Variants in DNAH6 observed in about 807,000 individuals in gnomAD.
DNAH6 encodes the protein axonemal beta dynein heavy chain 6.
DNAH6 carries 340 observed loss-of-function variants against 491.4 expected under a neutral mutation model. The ratio of observed to expected loss-of-function variants is 0.69; its 90% CI spans 0.63 to 0.76. The LOEUF is 0.76. Among genes scored for constraint, DNAH6 ranks in the 30% least tolerant of loss-of-function variants. DNAH6 has a pLI of 0.00. For missense variants in DNAH6, 4,443 were observed against 4,972.2 expected (o/e 0.89, Z 3.20); for synonymous variants, 1,603 against 1,686.1 (o/e 0.95, Z 1.21).
At chr2:84,674,059 C>G (rs1439893786) in intron 40 of DNAH6, among the ~76,000 whole-genome samples, 2 of 152,148 alleles carry the variant, frequency 1.3e-5, no homozygotes, top group African/African-American at 4.8e-5. Flanking sequence ...AAACCAACAC[C>G]CTTGACAAGA....
the DNAH6 span, among the ~76,000 whole-genome samples, chr2:84,507,681 C>T: frequency 1.3e-5 from 2 of 152,122 alleles, no homozygotes; most frequent in Non-Finnish European, 2.9e-5. Flanking sequence ...TTTGCCCATT[C>T]AGTATGATAT....
intron 26 of DNAH6, among the ~76,000 whole-genome samples, chr2:84,622,158 A>G (rs764418075): frequency 2.1e-4 from 32 of 152,134 alleles, no homozygotes; most frequent in Admixed American, 4.6e-4. Flanking sequence ...GAATTTAACT[A>G]TTTTAGATAC....
At chr2:84,690,633 C>G (rs2104776066) in intron 45 of DNAH6, among the ~76,000 whole-genome samples, 1 of 152,312 alleles carries the variant, frequency 6.6e-6, no homozygotes, top group African/African-American at 2.4e-5. Context: ...AAATTAAAAA[C>G]CATTTGTAGC....
chr2:84,630,533 A>G (rs551021496), intron 29 of DNAH6, among the ~76,000 whole-genome samples: 47 of 152,184 alleles, frequency 3.1e-4, no homozygotes, highest in Non-Finnish European at 5.1e-4. Context: ...GGGGAATTCT[A>G]TAGGGAAAAT....
At chr2:84,701,051 A>G (rs1695853316) in intron 48 of DNAH6, 46 bp from the exon 49 acceptor site, 3 of 1,539,134 alleles carry the variant, frequency 1.9e-6, no homozygotes, top group African/African-American at 1.4e-5. Context: ...ACTGTATGTT[A>G]TTGAAATGAC....
intron 33 of DNAH6, among the ~76,000 whole-genome samples, chr2:84,652,550 CT>C (rs1420303736): frequency 2.0e-5 from 3 of 151,914 alleles, no homozygotes; most frequent in Non-Finnish European, 4.4e-5. Context: ...TGATTTTTGT[CT>C]GTTTTTCTTT....
At chr2:84,516,316 C>T (rs1359159665), upstream of DNAH6, 1 of 152,302 alleles carries the variant, frequency 6.6e-6, no homozygotes, top group East Asian at 1.9e-4. Flanking sequence ...AGGAACCAGG[C>T]TGTGCGGCTT....
At chr2:84,679,218 G>C (rs138113667) in intron 41 of DNAH6, among the ~76,000 whole-genome samples, 1 of 152,022 alleles carries the variant, frequency 6.6e-6, no homozygotes, top group African/African-American at 2.4e-5. Flanking sequence ...GTGTTAACAC[G>C]ATTAGTCCTA....
intron 59 of DNAH6, among the ~76,000 whole-genome samples, 199 bp from the exon 60 acceptor site, chr2:84,722,426 C>T (rs558282341): frequency 6.6e-6 from 1 of 152,192 alleles, no homozygotes; most frequent in Non-Finnish European, 1.5e-5. Context: ...CTATTCCTAA[C>T]TCTGGAAGGA....
In DNAH6 at chr2:84,796,327, G is replaced by T; in HGVS notation, c.11261G>T (p.Arg3754Ile). Reference protein sequence around the residue: ...YITGEITYGGRVTDSWDQRCL... With the variant: ...YITGEITYGGIVTDSWDQRCL... ...TCAGGTGAAATTACTTATGGTGGTA[G>T]AGTCACAGACAGCTGGGACCAAAGA... Residue 3754 changes from arginine (R) to isoleucine (I), a missense_variant, in exon 69 of 77, where the codon AGA (arginine) becomes ATA (isoleucine). By Grantham distance (97) the Arg-to-Ile change is moderately conservative. Coordinates refer to ENST00000389394, the MANE Select transcript of DNAH6 (RefSeq NM_001370.2). 6.6e-7 allele frequency: 1 copy of T among 1,511,956 alleles called. No homozygotes were observed. The highest frequency in any genetic ancestry group is 1.3e-5 in the South Asian group (1 of 75,018). The allele number at this position is 1,511,956 out of a possible 1,614,324, so 93.7% of individuals were successfully genotyped here.
intron 58 of DNAH6, among the ~76,000 whole-genome samples, chr2:84,716,151 A>G (rs1042963696): frequency 6.7e-6 from 1 of 149,942 alleles, no homozygotes; most frequent in Admixed American, 6.7e-5. Flanking sequence ...ATATATATAC[A>G]TATATATGGG....
At chr2:84,515,407 C>T (rs2104387762), upstream of DNAH6, among the ~76,000 whole-genome samples, 1 of 152,270 alleles carries the variant, frequency 6.6e-6, no homozygotes, top group Non-Finnish European at 1.5e-5. Context: ...CTTCAGTTCC[C>T]TTACAAATCA....
chr2:84,751,563 G>T (rs1673477073), intron 63 of DNAH6, among the ~76,000 whole-genome samples: 2 of 152,190 alleles, frequency 1.3e-5, no homozygotes, highest in South Asian at 4.1e-4. Flanking sequence ...GAAATAGAAT[G>T]CTTGTCATCC....
intron 11 of DNAH6, among the ~76,000 whole-genome samples, chr2:84,560,012 A>G (rs1406939130): frequency 1.3e-5 from 2 of 152,182 alleles, no homozygotes; most frequent in African/African-American, 2.4e-5. Context: ...AAATCAGTAA[A>G]ATGGTTCAGA....
intron 63 of DNAH6, among the ~76,000 whole-genome samples, chr2:84,762,397 G>C (rs1281103543): frequency 6.6e-6 from 1 of 152,186 alleles, no homozygotes; most frequent in South Asian, 2.1e-4. Context: ...AGGAAACAGA[G>C]ATCAATAATG....
At chr2:84,693,995 A>G (rs1168643959) in intron 45 of DNAH6, among the ~76,000 whole-genome samples, 1 of 152,222 alleles carries the variant, frequency 6.6e-6, no homozygotes, top group African/African-American at 2.4e-5. Context: ...AAGAGATTTT[A>G]CTTTATTCTA....
chr2:84,819,018 A>G (rs1042956243), intron 76 of DNAH6, among the ~76,000 whole-genome samples: 9 of 152,282 alleles, frequency 5.9e-5, no homozygotes, highest in Non-Finnish European at 1.2e-4. Context: ...AGGTTGCAGC[A>G]AGCTGAGATC....
Position 84,781,423 on chromosome 2 carries a change from T to C in DNAH6, c.10704-70T>C. On this transcript the variant is annotated intron_variant, in intron 64 of 76. Coordinates refer to ENST00000389394, the MANE Select transcript of DNAH6 (RefSeq NM_001370.2). ...ATCCTAAGCAAGAGTCTACTGTATT[T>C]ATATTTCTTCATATTGATTTTGCTT... is the stretch of plus-strand genomic sequence containing the variant. The C allele has an allele frequency of 2.3e-6, 3 of 1,321,472 alleles. No individual in the cohort carries two copies. The East Asian group carries it at 7.6e-5, about 33-fold the overall frequency. The allele number at this position is 1,321,472 out of a possible 1,614,324, so 81.9% of individuals were successfully genotyped here.
At position 84,784,746 on chromosome 2, in the gene DNAH6, G is replaced by A. The variant is rs1473299954; in HGVS notation, c.10889G>A (p.Arg3630Gln). Residue 3630 changes from arginine (R) to glutamine (Q), a missense_variant, in exon 66 of 77, where the codon CGA (arginine) becomes CAA (glutamine). This residue lies in a region of DNAH6 where 1,463 missense variants were observed against 1,656.6 expected (regional missense o/e 0.88). Transcript: ENST00000389394. ...GATAGTGCTATCAAGGACACTTTTC[G>A]ACTTTTTTTAAGCTCCATGCCTAGT... ...DPDSAIKDTF[R>Q]LFLSSMPSNT... 16 of 1,550,166 alleles carry A rather than the reference G, an allele frequency of 1.0e-5. No individual in the cohort carries two copies. The highest frequency in any genetic ancestry group is 2.0e-5 in the Admixed American group (1 of 50,932).
Sources: allele counts gnomAD v4.1 joint callset (sites outside exome capture counted in the v4.1 genomes callset), GRCh38; gene constraint gnomAD v4.1.1; regional missense constraint gnomAD v4.1.1; transcripts MANE v1.5; gene names NCBI Gene and HGNC (gene_info 2026-07-23, HGNC 2026-07-21).